The following ANKS1A variants were observed in gnomAD, a reference collection of about 807,000 sequenced individuals.
The protein encoded by ANKS1A is ankyrin repeat and sterile alpha motif domain containing 1A.
A neutral mutation model predicts 120.3 loss-of-function variants in ANKS1A; 55 were observed. That is an observed-to-expected ratio of 0.46 (90% CI 0.37 to 0.57). ANKS1A has a LOEUF of 0.57. ANKS1A is among the 20% of genes least tolerant of loss of function. The pLI, the probability that ANKS1A is intolerant of heterozygous loss-of-function variation, is 0.00. For synonymous variants in ANKS1A, 590 were observed against 604.7 expected (o/e 0.98, Z 0.36); for missense variants, 1,123 against 1,480.3 (o/e 0.76, Z 3.96).
intron 10 of ANKS1A, among the ~76,000 whole-genome samples, chr6:35,008,611 CTT>C (rs1361274851): frequency 2.0e-5 from 3 of 152,286 alleles, no homozygotes; most frequent in African/African-American, 7.2e-5. Flanking sequence ...GTTCAATTTT[CTT>C]TCCATTGTGG....
intron 14 of ANKS1A, among the ~76,000 whole-genome samples, 189 bp downstream of exon 14, chr6:35,078,845 A>C (rs1668782096): frequency 6.6e-6 from 1 of 152,196 alleles, no homozygotes. Context: ...CTATGCCCTA[A>C]GGCCCTTGGA....
intron 1 of ANKS1A, among the ~76,000 whole-genome samples, chr6:34,913,922 T>C (rs1222236503): frequency 6.6e-6 from 1 of 151,870 alleles, no homozygotes; most frequent in Non-Finnish European, 1.5e-5. Flanking sequence ...GCCAATAAAG[T>C]AATTTTTTCT....
rs894364346 is a variant in ANKS1A, at chr6:35,057,681, G to A, written c.2078-2466G>A. ...TGTGAGTGGCCTGCTCTGGGGTGGG[G>A]CACTTCCCCTGGGCTCTAACAGGCC... is the stretch of plus-strand genomic sequence containing the variant. On this transcript the variant is annotated intron_variant, in intron 12 of 23. Transcript: ENST00000360359. The surrounding 1 kb of genome is among the most constrained non-coding windows in gnomAD (Gnocchi z 4.1). Among the ~76,000 whole-genome samples the A allele has an allele frequency of 3.9e-5, 6 of 152,152 alleles. No homozygotes were observed. The highest frequency in any genetic ancestry group is 7.3e-5 in the Non-Finnish European group (5 of 68,034).
At chr6:34,900,201 A>T (rs903540489) in intron 1 of ANKS1A, among the ~76,000 whole-genome samples, 9 of 152,214 alleles carry the variant, frequency 5.9e-5, no homozygotes, top group Admixed American at 3.9e-4. Flanking sequence ...CACACAGGGG[A>T]GTGCAGAGCC....
chr6:35,036,672 C>T (rs1333543775), intron 11 of ANKS1A, among the ~76,000 whole-genome samples: 1 of 152,194 alleles, frequency 6.6e-6, no homozygotes, highest in Non-Finnish European at 1.5e-5. Context: ...TTAGAAGATT[C>T]TGCCAGTTTT....
At chr6:35,015,508 AT>A (rs1458258413) in intron 10 of ANKS1A, among the ~76,000 whole-genome samples, 1 of 152,164 alleles carries the variant, frequency 6.6e-6, no homozygotes, top group Non-Finnish European at 1.5e-5. Flanking sequence ...CAAAAAAAAA[AT>A]AAAGAAGTGT....
chr6:35,064,412 G>C (rs1362723604), intron 13 of ANKS1A, among the ~76,000 whole-genome samples: 1 of 152,238 alleles, frequency 6.6e-6, no homozygotes, highest in African/African-American at 2.4e-5. Flanking sequence ...CTACGTGGCA[G>C]ATAGGCCCCC....
intron 1 of ANKS1A, among the ~76,000 whole-genome samples, chr6:34,892,742 G>A (rs1766884431): frequency 6.6e-6 from 1 of 152,178 alleles, no homozygotes; most frequent in African/African-American, 2.4e-5. Context: ...AAGCTTCCAT[G>A]TCTTTGGAGC....
chr6:35,022,329 G>A (rs950919555), intron 11 of ANKS1A, among the ~76,000 whole-genome samples: 6 of 152,350 alleles, frequency 3.9e-5, no homozygotes, highest in South Asian at 2.1e-4. Context: ...ATGTTCTCCA[G>A]TTGGGGAACA....
At chr6:34,984,942 G>A in intron 7 of ANKS1A, 140 bp from the exon 8 acceptor site, 1 of 703,214 alleles carries the variant, frequency 1.4e-6, no homozygotes. Context: ...TCTTGTCCAT[G>A]GAACAAAGTA....
At chr6:35,053,908 C>T (rs1581705633) in intron 11 of ANKS1A, among the ~76,000 whole-genome samples, 191 bp from the exon 12 acceptor site, 1 of 152,234 alleles carries the variant, frequency 6.6e-6, no homozygotes, top group Admixed American at 6.5e-5. Flanking sequence ...ACATCGGACC[C>T]TGTGGGCTGG....
chr6:35,073,624 G>A (rs1382498259), intron 13 of ANKS1A, among the ~76,000 whole-genome samples: 2 of 152,258 alleles, frequency 1.3e-5, no homozygotes, highest in Non-Finnish European at 2.9e-5. Flanking sequence ...TTTTATCAAA[G>A]CTGAGACAAT....
intron 1 of ANKS1A, among the ~76,000 whole-genome samples, chr6:34,930,143 G>C (rs1027419983): frequency 2.6e-5 from 4 of 152,108 alleles, no homozygotes; most frequent in Non-Finnish European, 5.9e-5. Context: ...CAGGAAGTTG[G>C]TTTTCACATC....
chr6:35,082,945 G>T lies in ANKS1A; in HGVS notation c.2835+129G>T. 1 of 1,454,152 alleles carries T rather than the reference G, an allele frequency of 6.9e-7. No individual in the cohort carries two copies. Among genetic ancestry groups the T allele is most frequent in the Non-Finnish European group, 9.2e-7 (1 of 1,087,916 alleles). The allele number at this position is 1,454,152 out of a possible 1,614,324, so 90.1% of individuals were successfully genotyped here. A position where few individuals can be genotyped will look rare whatever the true frequency, so the allele number is the denominator to read the frequency against. ...GCTTTTGAGCTGTTCTCCACTCTCA[G>T]CCACTCTTGACAGCTAAGGCGAAGG... is the stretch of plus-strand genomic sequence containing the variant. On this transcript the variant is annotated intron_variant, in intron 18 of 23. Coordinates refer to ENST00000360359, the MANE Select transcript of ANKS1A (RefSeq NM_015245.3). This position sits in a 1 kb window ranked among gnomAD's most constrained non-coding sequence, Gnocchi z 4.1.
At chr6:35,054,250 A>C (rs1363447089) in intron 12 of ANKS1A, 85 bp downstream of exon 12, 2 of 1,342,534 alleles carry the variant, frequency 1.5e-6, no homozygotes, top group Non-Finnish European at 2.1e-6. Context: ...CACAGAAGAC[A>C]GACATTCAGT....
intron 3 of ANKS1A, among the ~76,000 whole-genome samples, chr6:34,973,451 G>A (rs1382000440): frequency 6.6e-6 from 1 of 152,176 alleles, no homozygotes; most frequent in African/African-American, 2.4e-5. Context: ...TTCATTGGGT[G>A]ATGGTGTTAG....
chr6:34,949,419 A>G (rs1019871385), intron 1 of ANKS1A, among the ~76,000 whole-genome samples: 2 of 152,216 alleles, frequency 1.3e-5, no homozygotes, highest in African/African-American at 4.8e-5. Context: ...GAAGCTCTTA[A>G]GTAGAAGGAA....
intron 1 of ANKS1A, among the ~76,000 whole-genome samples, chr6:34,937,312 T>A (rs555343641): frequency 7.2e-4 from 109 of 150,740 alleles, no homozygotes; most frequent in African/African-American, 1.6e-3. Flanking sequence ...CTTAAAAAAA[T>A]ATATATATAT....
chr6:34,907,851 T>A (rs1767716197), intron 1 of ANKS1A, among the ~76,000 whole-genome samples: 1 of 152,176 alleles, frequency 6.6e-6, no homozygotes, highest in African/African-American at 2.4e-5. Flanking sequence ...GAACTTCTCA[T>A]ATAAAGTTGT....
Sources: allele counts gnomAD v4.1 joint callset (sites outside exome capture counted in the v4.1 genomes callset), GRCh38; gene constraint gnomAD v4.1.1; non-coding constraint Gnocchi (gnomAD v3.1); transcripts MANE v1.5; gene names NCBI Gene and HGNC (gene_info 2026-07-23, HGNC 2026-07-21).